MYO3A: variants seen among roughly 807,000 people sequenced by gnomAD.
MYO3A encodes the protein myosin-IIIa.
MYO3A carries 180 observed loss-of-function variants against 192.7 expected under a neutral mutation model. The observed-to-expected ratio is 0.93, with a 90% confidence interval of 0.83 to 1.06. The LOEUF (loss-of-function observed/expected upper bound fraction) is 1.06, where lower values mean the gene tolerates loss of function less well. Ranked by LOEUF, MYO3A falls within the 50% of genes least tolerant of loss-of-function variation. The pLI is 0.00. For synonymous variants in MYO3A, 628 were observed against 645.3 expected, an observed-to-expected ratio of 0.97 and a Z score of 0.41; for missense variants, 1,896 against 1,905.0, an observed-to-expected ratio of 1.00 and a Z score of 0.09.
intron 10 of MYO3A, among the ~76,000 whole-genome samples, chr10:26,029,664 T>G (rs147418972): frequency 1.6e-3 from 247 of 152,318 alleles, no homozygotes; most frequent in African/African-American, 5.8e-3. Context: ...ACTTTTTATG[T>G]CTGGCTATTC....
intron 4 of MYO3A, among the ~76,000 whole-genome samples, chr10:25,980,859 A>G (rs544746360): frequency 2.3e-4 from 35 of 152,334 alleles, no homozygotes; most frequent in African/African-American, 8.4e-4. Context: ...ATTATTAACC[A>G]AAATCCATAG....
intron 17 of MYO3A, among the ~76,000 whole-genome samples, chr10:26,104,198 G>A (rs1837648979): frequency 6.6e-6 from 1 of 151,786 alleles, no homozygotes; most frequent in Non-Finnish European, 1.5e-5. Flanking sequence ...TAAATTGTAT[G>A]AAGTTCAGTT....
intron 2 of MYO3A, among the ~76,000 whole-genome samples, chr10:25,948,542 A>G (rs1420989750): frequency 6.6e-6 from 1 of 152,130 alleles, no homozygotes; most frequent in South Asian, 2.1e-4. Flanking sequence ...TTTTAATTTT[A>G]TAGGCTAGAG....
At chr10:26,164,110 A>T (rs539168828) in intron 26 of MYO3A, among the ~76,000 whole-genome samples, 1 of 151,712 alleles carries the variant, frequency 6.6e-6, no homozygotes, top group East Asian at 1.9e-4. Flanking sequence ...ATTAAATGAG[A>T]TTCTTGGAGC....
chr10:26,102,898 T>C (rs1308113795), intron 17 of MYO3A, among the ~76,000 whole-genome samples: 1 of 152,200 alleles, frequency 6.6e-6, no homozygotes, highest in Non-Finnish European at 1.5e-5. Flanking sequence ...TCAAACTCCG[T>C]GCTGGGAGAA....
intron 4 of MYO3A, among the ~76,000 whole-genome samples, chr10:25,988,557 A>C (rs1831978247): frequency 6.6e-6 from 1 of 152,128 alleles, no homozygotes; most frequent in Non-Finnish European, 1.5e-5. Flanking sequence ...TATATAACCC[A>C]TAGGATTCAG....
chr10:26,211,804 T>G lies in MYO3A; in HGVS notation c.4731-39T>G, dbSNP rs139127431. On this transcript the variant is annotated intron_variant, in intron 34 of 34. Coordinates refer to ENST00000642920, the MANE Select transcript of MYO3A (RefSeq NM_017433.5). ...GTAGGTGGGGACGCGCTGCTCACTG[T>G]GGTGAGGTTGACACTTGGGCCCTGG... The G allele has an allele frequency of 3.9e-4, 636 of 1,613,364 alleles. 1 individual carries two copies. In the African/African-American group the frequency reaches 7.7e-3, roughly 20 times the overall value.
chr10:26,198,099 C>T (rs980547233), intron 32 of MYO3A, among the ~76,000 whole-genome samples: 2 of 152,222 alleles, frequency 1.3e-5, no homozygotes, highest in Admixed American at 6.5e-5. Context: ...ATTTGCCCAA[C>T]ACAAACATCT....
chr10:26,147,392 A>G, intron 22 of MYO3A, 38 bp from the exon 23 acceptor site: 3 of 1,577,906 alleles, frequency 1.9e-6, no homozygotes, highest in Non-Finnish European at 2.6e-6. Flanking sequence ...GATGACAATG[A>G]CATTGATTGT....
Position 26,201,288 on chromosome 10 carries a change from A to G in MYO3A, c.4569A>G (p.Arg1523=). ...AGAAGTCAATCCAAGAAGAAAAACG[A>G]AGACCAAGGAAAGACAGGTAATTAT... is the stretch of plus-strand genomic sequence containing the variant. The part of the protein sequence containing the change: ...LLHKSIQEEK[R]RPRKDSQGKL... Residue 1523 remains arginine, a synonymous_variant, in exon 33 of 35, where the codon CGA becomes CGG. Transcript: ENST00000642920. The G allele has an allele frequency of 6.3e-7, 1 of 1,580,884 alleles. No homozygotes were observed. Among genetic ancestry groups the G allele is most frequent in the Non-Finnish European group, 8.7e-7 (1 of 1,155,122 alleles).
chr10:26,045,442 A>C (rs902653259), intron 10 of MYO3A, among the ~76,000 whole-genome samples: 1 of 152,174 alleles, frequency 6.6e-6, no homozygotes, highest in Non-Finnish European at 1.5e-5. Flanking sequence ...GTATGAAAAC[A>C]TGCACACATA....
Position 26,128,469 on chromosome 10 carries a change from G to A in MYO3A, c.2193G>A (p.Gln731=). Residue 731 remains glutamine (Q), a synonymous_variant, in exon 20 of 35, where the codon CAG becomes CAA. Transcript: ENST00000642920. ...ATTTCAAAAAAAATTCCTTCGAGCA[G>A]CTGTGCATTAACATTGCAAATGAAC... is the stretch of plus-strand genomic sequence containing the variant. ...FENFKKNSFE[Q]LCINIANEQI... 1.2e-6 allele frequency: 2 copies of A among 1,612,394 alleles called. No homozygotes were observed. Among genetic ancestry groups the A allele is most frequent in the Non-Finnish European group, 1.7e-6 (2 of 1,178,702 alleles).
chr10:26,086,350 C>T (rs1836312423), intron 14 of MYO3A, among the ~76,000 whole-genome samples: 1 of 152,116 alleles, frequency 6.6e-6, no homozygotes, highest in African/African-American at 2.4e-5. Flanking sequence ...CACCAGGCCC[C>T]CTCCCCTGAC....
rs190516932 is a variant in MYO3A, at chr10:26,091,206, T to A, written c.1562+2801T>A. On this transcript the variant is annotated intron_variant, in intron 15 of 34. Coordinates refer to ENST00000642920, the MANE Select transcript of MYO3A (RefSeq NM_017433.5). ...ATTAGAGCAGACGAGTATCTTTTTT[T>A]AATGAACTCACCCTTTCTTTTAAGA... Among the ~76,000 whole-genome samples, 298 of 152,320 alleles carry A rather than the reference T, an allele frequency of 2.0e-3. 2 individuals are homozygous for A. The highest frequency in any genetic ancestry group is 6.4e-3 in the African/African-American group (268 of 41,574).
At chr10:26,206,734 C>A (rs977958800) in intron 34 of MYO3A, among the ~76,000 whole-genome samples, 3 of 152,340 alleles carry the variant, frequency 2.0e-5, no homozygotes, top group East Asian at 1.9e-4. Flanking sequence ...CAGGCGTGAG[C>A]CACCGCGCCC....
intron 34 of MYO3A, among the ~76,000 whole-genome samples, chr10:26,205,912 C>T (rs1843912003): frequency 6.6e-6 from 1 of 151,968 alleles, no homozygotes; most frequent in Non-Finnish European, 1.5e-5. Flanking sequence ...AGCCACCGTG[C>T]CCAGCCGGAT....
At chr10:26,002,720 A>ATCGGAATGAGTC (rs1554800230) in intron 6 of MYO3A, among the ~76,000 whole-genome samples, 1 of 147,754 alleles carries the variant, frequency 6.8e-6, no homozygotes, top group African/African-American at 2.6e-5. Flanking sequence ...GTAATTGAAA[A>ATCGGAATGAGTC]AGGTTGCTTT....
chr10:25,955,035 G>A, intron 4 of MYO3A, 27 bp downstream of exon 4: 1 of 1,610,638 alleles, frequency 6.2e-7, no homozygotes, highest in South Asian at 1.1e-5. Flanking sequence ...CATTTGTATG[G>A]GTGGAAACTT....
At chr10:26,211,123 C>T (rs985691624) in intron 34 of MYO3A, among the ~76,000 whole-genome samples, 10 of 152,186 alleles carry the variant, frequency 6.6e-5, no homozygotes, top group Non-Finnish European at 1.5e-4. Flanking sequence ...GACTTCTGCT[C>T]ACCTGTCACC....
Sources: allele counts gnomAD v4.1 joint callset (sites outside exome capture counted in the v4.1 genomes callset), GRCh38; gene constraint gnomAD v4.1.1; transcripts MANE v1.5; gene names NCBI Gene and HGNC (gene_info 2026-07-23, HGNC 2026-07-21).